RAB39A: variants seen among roughly 807,000 people sequenced by gnomAD.
RAB39A encodes the protein RAB39A, member RAS oncogene family.
Under a neutral mutation model 20.9 loss-of-function variants are expected in RAB39A, and 17 were observed. The observed-to-expected ratio is 0.81, with a 90% confidence interval of 0.56 to 1.22. RAB39A has a LOEUF of 1.22. RAB39A is among the 50% of genes most tolerant of loss of function. RAB39A has a pLI of 0.00. For synonymous variants in RAB39A, 99 were observed against 103.4 expected (o/e 0.96, Z 0.26); for missense variants, 234 against 270.5 (o/e 0.87, Z 0.95).
chr11:107,946,421 T>A (rs1861313307), intron 1 of RAB39A, among the ~76,000 whole-genome samples: 1 of 18,244 alleles, frequency 5.5e-5, no homozygotes, highest in Non-Finnish European at 1.3e-4. Flanking sequence ...TGTGTGTGTG[T>A]GTGTGTGTGT....
chr11:107,957,905 CT>C (rs995786579), intron 1 of RAB39A, among the ~76,000 whole-genome samples: 1 of 146,544 alleles, frequency 6.8e-6, no homozygotes, highest in Non-Finnish European at 1.5e-5. Flanking sequence ...TTTTTTCTTT[CT>C]TTTTTTTGAG....
intron 1 of RAB39A, 28 bp from the exon 2 acceptor site, chr11:107,961,918 T>A: frequency 6.4e-7 from 1 of 1,555,538 alleles, no homozygotes; most frequent in Non-Finnish European, 8.8e-7. Context: ...GTTGTCCTTA[T>A]ACAACCTTTT....
rs1246325231 is a variant in RAB39A, at chr11:107,928,730, G to A, written c.162G>A (p.Leu54=). 6.2e-7 allele frequency: 1 copy of A among 1,609,648 alleles called. No individual in the cohort carries two copies. Among genetic ancestry groups the A allele is most frequent in the Non-Finnish European group, 8.5e-7 (1 of 1,177,730 alleles). The change falls in exon 1 of 2, where the codon CTG becomes CTA. Residue 54 remains leucine, a synonymous_variant. Coordinates refer to ENST00000320578, the MANE Select transcript of RAB39A (RefSeq NM_017516.3). The surrounding 1 kb of genome is among the most constrained non-coding windows in gnomAD (Gnocchi z 4.9). The stretch of plus-strand genomic sequence containing the variant: ...GCGTGGACTTCTTCTCCCGCCTGCT[G>A]GAGATCGAGCCGGGCAAGAGGATCA... ...TVGVDFFSRL[L]EIEPGKRIKL...
At chr11:107,958,544 G>T (rs1367847174) in intron 1 of RAB39A, among the ~76,000 whole-genome samples, 6 of 152,166 alleles carry the variant, frequency 3.9e-5, no homozygotes, top group Admixed American at 6.6e-5. Context: ...AACACTACCT[G>T]CAGGACAACT....
chr11:107,930,998 C>T (rs1343891740), intron 1 of RAB39A, among the ~76,000 whole-genome samples: 4 of 139,214 alleles, frequency 2.9e-5, no homozygotes, highest in South Asian at 2.2e-4. Flanking sequence ...TTTTTTGAGA[C>T]GGAGTTTCGC....
chr11:107,938,324 C>T (rs1196104582), intron 1 of RAB39A, among the ~76,000 whole-genome samples: 3 of 137,064 alleles, frequency 2.2e-5, no homozygotes, highest in Non-Finnish European at 4.6e-5. Context: ...CACGCCACTG[C>T]ACTCCAGTCT....
chr11:107,962,000 C>T lies in RAB39A; in HGVS notation c.282C>T (p.Asp94=). 4 of 1,613,666 alleles carry T rather than the reference C, an allele frequency of 2.5e-6. No homozygotes were observed. The highest frequency in any genetic ancestry group is 3.4e-6 in the Non-Finnish European group (4 of 1,179,646). ...RNSVGGFLVF[D]ITNRRSFEHV... ...CAGTTGGTGGATTTTTAGTATTTGA[C>T]ATTACTAACCGACGATCTTTTGAAC... The change falls in exon 2 of 2, where the codon GAC becomes GAT. Residue 94 remains aspartate, a synonymous_variant. Transcript: ENST00000320578.
intron 1 of RAB39A, among the ~76,000 whole-genome samples, chr11:107,937,092 A>C (rs1861201745): frequency 6.6e-6 from 1 of 152,152 alleles, no homozygotes; most frequent in Non-Finnish European, 1.5e-5. Flanking sequence ...ATAATGTCTT[A>C]GTTAAAAGTG....
In RAB39A at chr11:107,962,483, C is replaced by A; in HGVS notation, c.*111C>A. 1 of 962,484 alleles carries A rather than the reference C, an allele frequency of 1.0e-6. No individual in the cohort carries two copies. Among genetic ancestry groups the A allele is most frequent in the Non-Finnish European group, 1.5e-6 (1 of 662,828 alleles). The allele number at this position is 962,484 out of a possible 1,614,324, so 59.6% of individuals were successfully genotyped here. On this transcript the variant is annotated 3_prime_UTR_variant, in exon 2 of 2. Transcript: ENST00000320578. Reference sequence around the variant, plus strand: ...AAAGAATTTAAAAAGGTTACAAACCCACACCAATACTATTTTATAAGGTAT... The same window carrying A: ...AAAGAATTTAAAAAGGTTACAAACCAACACCAATACTATTTTATAAGGTAT...
intron 1 of RAB39A, among the ~76,000 whole-genome samples, chr11:107,935,186 C>T (rs1011076237): frequency 9.9e-5 from 15 of 152,150 alleles, no homozygotes; most frequent in African/African-American, 2.2e-4. Flanking sequence ...GGCAAGTCTG[C>T]AGTGTAAAAT....
chr11:107,944,500 T>A (rs1266164377), intron 1 of RAB39A, among the ~76,000 whole-genome samples: 1 of 151,988 alleles, frequency 6.6e-6, no homozygotes, highest in Non-Finnish European at 1.5e-5. Context: ...GATTCTCCTG[T>A]CTCAGCCTCC....
rs551049009 is a variant in RAB39A at position 107,939,229 on chromosome 11, G to A, written c.227+10434G>A. Among the ~76,000 whole-genome samples, 6 of 139,646 alleles carry A rather than the reference G, an allele frequency of 4.3e-5. No individual in the cohort carries two copies. The East Asian group carries it at 1.0e-3, about 24-fold the overall frequency. The allele number at this position is 139,646 out of a possible 152,430, so 91.6% of individuals were successfully genotyped here. A position where few individuals can be genotyped will look rare whatever the true frequency, so the allele number is the denominator to read the frequency against. ...ACTGCACTCCAGCCTGGGCGGCAAA[G>A]CGAGACTCTGTCTCAAAAAAAAAAA... On this transcript the variant is annotated intron_variant, in intron 1 of 1. Coordinates refer to ENST00000320578, the MANE Select transcript of RAB39A (RefSeq NM_017516.3).
At chr11:107,943,298 G>A (rs371620533) in intron 1 of RAB39A, among the ~76,000 whole-genome samples, 4 of 152,014 alleles carry the variant, frequency 2.6e-5, no homozygotes, top group Admixed American at 6.6e-5. Context: ...CAGGCTGGGC[G>A]CAGTGGCTCA....
In RAB39A at chr11:107,962,238, G is replaced by A; in HGVS notation, c.520G>A (p.Asp174Asn). ...VEESFTILTR[D>N]IYELIKKGEI... ...AGAATCCTTCACAATCTTGACGAGA[G>A]ACATATATGAACTTATTAAAAAGGG... Residue 174 changes from aspartate (D) to asparagine (N), a missense_variant, in exon 2 of 2, where the codon GAC (aspartate) becomes AAC (asparagine). Coordinates refer to ENST00000320578, the MANE Select transcript of RAB39A (RefSeq NM_017516.3). 1 of 1,613,930 alleles carries A rather than the reference G, an allele frequency of 6.2e-7. No homozygotes were observed. The highest frequency in any genetic ancestry group is 8.5e-7 in the Non-Finnish European group (1 of 1,179,962).
In RAB39A at chr11:107,928,869, C is replaced by T; in HGVS notation, c.227+74C>T. 1 of 1,242,340 alleles carries T rather than the reference C, an allele frequency of 8.0e-7. No individual in the cohort carries two copies. The highest frequency in any genetic ancestry group is 1.6e-5 in the South Asian group (1 of 63,042). 77.0% of individuals were successfully genotyped at this position (1,242,340 alleles called of 1,614,324 possible). On this transcript the variant is annotated intron_variant, in intron 1 of 1. Transcript: ENST00000320578. The surrounding 1 kb of genome is among the most constrained non-coding windows in gnomAD (Gnocchi z 4.9). Reference sequence around the variant, plus strand: ...CGGACGCCCCTTCCCCAGGCGTCCGCCCCGCCGGCCCTGGTCGGGAGAGGC... The same window carrying T: ...CGGACGCCCCTTCCCCAGGCGTCCGTCCCGCCGGCCCTGGTCGGGAGAGGC...
In RAB39A at chr11:107,959,459, G is replaced by A. The variant is rs1591250061; in HGVS notation, c.228-2487G>A. On this transcript the variant is annotated intron_variant, in intron 1 of 1. Transcript: ENST00000320578. ...ATAGCAACTGCATTATTCATAGCCT[G>A]CCAAAGATGGTGGGAGATTTTTCTT... 3.9e-5 allele frequency among the ~76,000 whole-genome samples: 6 copies of A among 152,294 alleles called. No individual in the cohort carries two copies. In the South Asian group the frequency reaches 8.3e-4, roughly 21 times the overall value.
chr11:107,953,202 A>G (rs1861399048), intron 1 of RAB39A, among the ~76,000 whole-genome samples: 1 of 152,176 alleles, frequency 6.6e-6, no homozygotes, highest in South Asian at 2.1e-4. Flanking sequence ...TTTTTTTTAA[A>G]AACTGAACTT....
At chr11:107,936,114 G>C (rs1411429673) in intron 1 of RAB39A, among the ~76,000 whole-genome samples, 1 of 151,524 alleles carries the variant, frequency 6.6e-6, no homozygotes, top group Non-Finnish European at 1.5e-5. Context: ...TGGCCAGGCT[G>C]GTCTCGAATT....
At chr11:107,941,809 C>T (rs1188696186) in intron 1 of RAB39A, among the ~76,000 whole-genome samples, 2 of 151,958 alleles carry the variant, frequency 1.3e-5, no homozygotes, top group East Asian at 1.9e-4. Context: ...AAGACAGATT[C>T]GGGCCAGTCG....
Sources: allele counts gnomAD v4.1 joint callset (sites outside exome capture counted in the v4.1 genomes callset), GRCh38; gene constraint gnomAD v4.1.1; non-coding constraint Gnocchi (gnomAD v3.1); transcripts MANE v1.5; gene names NCBI Gene and HGNC (gene_info 2026-07-23, HGNC 2026-07-21).